Variants in XAGE2 observed in about 807,000 individuals in gnomAD.
The protein encoded by XAGE2 is G antigen family D member 3.
A neutral mutation model predicts 9.9 loss-of-function variants in XAGE2; 7 were observed. The ratio of observed to expected loss-of-function variants is 0.71; its 90% CI spans 0.40 to 1.32. The LOEUF is 1.32. XAGE2 is among the 40% of genes most tolerant of loss of function. XAGE2 has a pLI of 0.01. For synonymous variants in XAGE2, 31 were observed against 26.8 expected (o/e 1.16, Z -0.48); for missense variants, 85 against 81.0 (o/e 1.05, Z -0.19).
chrX:52,370,630 G>T lies in XAGE2; in HGVS notation c.145G>T (p.Asp49Tyr). Reference protein sequence around the residue: ...PPTKSRNPTPDQKREDDQGAA... With the variant: ...PPTKSRNPTPYQKREDDQGAA... ...CACTAAAAGTCGGAATCCTACACCT[G>T]ATCAGAAGAGAGAAGATGATCAGGG... Residue 49 changes from aspartate (D) to tyrosine (Y), a missense_variant, in exon 3 of 5, where the codon GAT becomes TAT. By Grantham distance (160) the Asp-to-Tyr change is radical (BLOSUM62 -3). Transcript: ENST00000286049. The T allele has an allele frequency of 1.7e-6, 2 of 1,211,436 alleles. No homozygotes were observed. Among genetic ancestry groups the T allele is most frequent in the Non-Finnish European group, 2.2e-6 (2 of 895,373 alleles).
At chrX:52,370,533 T>C in intron 2 of XAGE2, 34 bp from the exon 3 acceptor site, 2 of 1,157,704 alleles carry the variant, frequency 1.7e-6, no homozygotes, top group Non-Finnish European at 2.4e-6. Flanking sequence ...CAAAACTTTT[T>C]ATCTGCACAC....
chrX:52,375,387 T>C (rs1457195751), intron 4 of XAGE2, among the ~76,000 whole-genome samples, 182 bp from the exon 5 acceptor site: 2 of 111,850 alleles, frequency 1.8e-5, no homozygotes, highest in Non-Finnish European at 3.8e-5. Flanking sequence ...AATGTATATG[T>C]TTGGAAGTTT....
chrX:52,374,129 A>G (rs1921258921), intron 4 of XAGE2, among the ~76,000 whole-genome samples: 1 of 112,259 alleles, frequency 8.9e-6, no homozygotes, highest in Non-Finnish European at 1.9e-5. Context: ...TAGACTATCT[A>G]TTTGTTTCTC....
At chrX:52,369,768 G>T (rs1294369085) in intron 1 of XAGE2, among the ~76,000 whole-genome samples, 1 of 112,650 alleles carries the variant, frequency 8.9e-6, no homozygotes, top group Non-Finnish European at 1.9e-5. Flanking sequence ...AATCTCATCA[G>T]AAATATCCTG....
Position 52,375,609 on chromosome X carries a change from C to T in XAGE2, c.*18C>T. On this transcript the variant is annotated 3_prime_UTR_variant, in exon 5 of 5. Coordinates refer to ENST00000286049, the MANE Select transcript of XAGE2 (RefSeq NM_130777.3). ...AGGTTTAAAGGAAGATAAGCTGAAA[C>T]AACACAAACTGTTTTTATATTAGAT... The T allele has an allele frequency of 8.4e-7, 1 of 1,188,119 alleles. No individual in the cohort carries two copies. The highest frequency in any genetic ancestry group is 2.4e-4 in the Middle Eastern group (1 of 4,112).
At chrX:52,373,596 C>T (rs1921246396) in intron 4 of XAGE2, among the ~76,000 whole-genome samples, 2 of 111,904 alleles carry the variant, frequency 1.8e-5, no homozygotes, top group East Asian at 5.6e-4. Context: ...ATAATCACCT[C>T]TAACCATATC....
At chrX:52,369,632 T>G (rs929570288) in intron 1 of XAGE2, among the ~76,000 whole-genome samples, 2 of 111,892 alleles carry the variant, frequency 1.8e-5, no homozygotes, top group Non-Finnish European at 3.8e-5. Flanking sequence ...AACAAAACCT[T>G]GATTTTAGGG....
intron 2 of XAGE2, 88 bp from the exon 3 acceptor site, chrX:52,370,479 A>G: frequency 1.3e-6 from 1 of 765,558 alleles, no homozygotes; most frequent in Non-Finnish European, 2.0e-6. Flanking sequence ...GATTAGAAAT[A>G]CCTGTGTATT....
intron 4 of XAGE2, among the ~76,000 whole-genome samples, chrX:52,375,177 G>A (rs1216451289): frequency 1.2e-4 from 13 of 111,765 alleles, no homozygotes; most frequent in Non-Finnish European, 1.9e-4. Context: ...ATATTAAATT[G>A]TACATTTTTT....
intron 3 of XAGE2, 40 bp downstream of exon 3, chrX:52,370,712 G>A: frequency 2.6e-6 from 3 of 1,135,347 alleles, no homozygotes; most frequent in Non-Finnish European, 3.6e-6. Context: ...TAGGGGGAAG[G>A]AGGCCTATGT....
Position 52,375,633 on chromosome X carries a change from ATATTTTACTTTAAAATATCT to A in XAGE2, c.*45_*64del. ...ACAACACAAACTGTTTTTATATTAGATATTTTACTTTAAAATATCTTAATAAAGTTTTAAGCTTTTCTCCA... is the reference window on the plus strand; with the variant it reads ...ACAACACAAACTGTTTTTATATTAGATAATAAAGTTTTAAGCTTTTCTCCA... On this transcript the variant is annotated 3_prime_UTR_variant, in exon 5 of 5. Coordinates refer to ENST00000286049, the MANE Select transcript of XAGE2 (RefSeq NM_130777.3). The A allele has an allele frequency of 9.0e-7, 1 of 1,116,605 alleles. No individual in the cohort carries two copies. The highest frequency in any genetic ancestry group is 1.2e-6 in the Non-Finnish European group (1 of 818,586). 92.0% of individuals were successfully genotyped at this position (1,116,605 alleles called of 1,213,427 possible). A position where few individuals can be genotyped will look rare whatever the true frequency, so the allele number is the denominator to read the frequency against.
chrX:52,370,116 A>G (rs1206824909), intron 2 of XAGE2, 21 bp downstream of exon 2: 3 of 1,197,133 alleles, frequency 2.5e-6, no homozygotes, highest in East Asian at 5.9e-5. Context: ...TAATATTTTG[A>G]TGTTTTTTAT....
At chrX:52,375,509 TTAA>T (rs1388288786) in intron 4 of XAGE2, 57 bp from the exon 5 acceptor site, 3 of 1,159,802 alleles carry the variant, frequency 2.6e-6, no homozygotes, top group Non-Finnish European at 3.5e-6. Context: ...TTTGCATATC[TTAA>T]TGTGATCTAA....
rs1395232555 is a variant in XAGE2 at position 52,375,581 on chromosome X, C to A, written c.326C>A (p.Ser109Ter). The change falls in exon 5 of 5, where the codon TCA becomes TAA. Residue 109 changes from serine to a stop codon, truncating the protein, a stop_gained. Transcript: ENST00000286049. LOFTEE classifies it high-confidence loss of function. ...FKMPEAGEGKSQV is the reference protein window; with the variant it reads ...FKMPEAGEGK ...GTTTCTATTACAGGTGAAGGGAAAT[C>A]ACAGGTTTAAAGGAAGATAAGCTGA... 17 of 1,203,928 alleles carry A rather than the reference C, an allele frequency of 1.4e-5. No homozygotes were observed. In the Admixed American group the frequency reaches 3.7e-4, roughly 26 times the overall value.
At chrX:52,374,421 C>T (rs998207556) in intron 4 of XAGE2, among the ~76,000 whole-genome samples, 3 of 110,960 alleles carry the variant, frequency 2.7e-5, no homozygotes, top group Admixed American at 9.6e-5. Flanking sequence ...TTAGTAGAGA[C>T]GAGGTTTCGC....
At chrX:52,374,161 A>G (rs1381935918) in intron 4 of XAGE2, among the ~76,000 whole-genome samples, 2 of 112,283 alleles carry the variant, frequency 1.8e-5, no homozygotes, top group Non-Finnish European at 3.8e-5. Flanking sequence ...AAAATGGGAA[A>G]AGCACAATAC....
chrX:52,371,340 G>T (rs2146414288), intron 3 of XAGE2, among the ~76,000 whole-genome samples: 1 of 112,221 alleles, frequency 8.9e-6, no homozygotes, highest in East Asian at 2.8e-4. Flanking sequence ...AGTGAAGCAG[G>T]ATAGCAAATC....
In XAGE2 at chrX:52,372,566, C is replaced by T; in HGVS notation, c.210C>T (p.Leu70=). Residue 70 remains leucine (L), a synonymous_variant, in exon 4 of 5, where the codon CTC becomes CTT. Transcript: ENST00000286049. ...TAGTGCCTGACCTGGAAGCCGATCTCCAGGAGCTATGTCAGACAAAGACTG... is the reference window on the plus strand; with the variant it reads ...TAGTGCCTGACCTGGAAGCCGATCTTCAGGAGCTATGTCAGACAAAGACTG... ...EIQVPDLEAD[L]QELCQTKTGD... is the part of the protein sequence containing the mutation. 8.3e-7 allele frequency: 1 copy of T among 1,211,142 alleles called. No homozygotes were observed. The highest frequency in any genetic ancestry group is 3.0e-5 in the East Asian group (1 of 33,808).
At position 52,370,654 on chromosome X, in the gene XAGE2, G is replaced by A; in HGVS notation, c.169G>A (p.Gly57Ser). Reference sequence around the variant, plus strand: ...TGATCAGAAGAGAGAAGATGATCAGGGTGCAGCTGAGATTCAAGGTGCTGG... The same window carrying A: ...TGATCAGAAGAGAGAAGATGATCAGAGTGCAGCTGAGATTCAAGGTGCTGG... ...TPDQKREDDQ[G>S]AAEIQVPDLE... Residue 57 changes from glycine (G) to serine (S), a missense_variant, in exon 3 of 5, where the codon GGT becomes AGT. By Grantham distance (56) the Gly-to-Ser change is moderately conservative. Transcript: ENST00000286049. 2 of 1,210,714 alleles carry A rather than the reference G, an allele frequency of 1.7e-6. No homozygotes were observed. The highest frequency in any genetic ancestry group is 3.5e-5 in the African/African-American group (2 of 57,630).
Sources: allele counts gnomAD v4.1 joint callset (sites outside exome capture counted in the v4.1 genomes callset), GRCh38; gene constraint gnomAD v4.1.1; transcripts MANE v1.5; gene names NCBI Gene and HGNC (gene_info 2026-07-23, HGNC 2026-07-21).